The following TNS3 variants were observed in gnomAD, a reference collection of about 807,000 sequenced individuals.
TNS3 encodes the protein tensin-3.
A neutral mutation model predicts 140.9 loss-of-function variants in TNS3; 45 were observed. The ratio of observed to expected loss-of-function variants is 0.32; its 90% CI spans 0.25 to 0.41. The LOEUF is 0.41. Among genes scored for constraint, TNS3 ranks in the 10% least tolerant of loss-of-function variants. The pLI, the probability that TNS3 is intolerant of heterozygous loss-of-function variation, is 1.00. For synonymous variants in TNS3, 815 were observed against 788.4 expected (o/e 1.03, Z -0.56); for missense variants, 1,716 against 1,906.7 (o/e 0.90, Z 1.86).
intron 4 of TNS3, among the ~76,000 whole-genome samples, chr7:47,445,344 T>C (rs1795675998): frequency 6.6e-6 from 1 of 152,148 alleles, no homozygotes; most frequent in Admixed American, 6.5e-5. Context: ...CACCCCTATG[T>C]TACATGTTAC....
intron 24 of TNS3, among the ~76,000 whole-genome samples, chr7:47,295,608 C>G (rs1785964325): frequency 1.3e-5 from 2 of 152,228 alleles, no homozygotes; most frequent in Non-Finnish European, 2.9e-5. Flanking sequence ...CTCCCCTACA[C>G]AACGCCTTCT....
chr7:47,299,188 AG>A (rs1321128935), intron 23 of TNS3, among the ~76,000 whole-genome samples: 1 of 152,208 alleles, frequency 6.6e-6, no homozygotes, highest in African/African-American at 2.4e-5. Flanking sequence ...CCCAGACTGA[AG>A]TACAGTGACA....
Position 47,303,477 on chromosome 7 carries a change from C to A in TNS3, c.2930G>T (p.Gly977Val). Residue 977 changes from glycine to valine, a missense_variant, in exon 22 of 31, where the codon GGT becomes GTT. Transcript: ENST00000311160. ...CAGCACTGGGGAGTCCTTCCTGGTA[C>A]CGGAGAACTCAGCGCTGAGGGGACT... ...TGSPLSAEFS[G>V]TRKDSPVLSC... The A allele has an allele frequency of 6.2e-7, 1 of 1,611,578 alleles. No individual in the cohort carries two copies. The highest frequency in any genetic ancestry group is 8.5e-7 in the Non-Finnish European group (1 of 1,179,980).
At chr7:47,302,048 G>C (rs988731804) in intron 23 of TNS3, 138 bp downstream of exon 23, 1 of 671,542 alleles carries the variant, frequency 1.5e-6, no homozygotes, top group Non-Finnish European at 2.6e-6. Flanking sequence ...ATGGAATAAC[G>C]TGTGGGCCCT....
rs572660781 is a variant in TNS3, at chr7:47,407,561, A to G, written c.723+4166T>C. 7.2e-5 allele frequency among the ~76,000 whole-genome samples: 11 copies of G among 152,212 alleles called. No individual in the cohort carries two copies. Among genetic ancestry groups the G allele is most frequent in the South Asian group, 2.1e-4 (1 of 4,836 alleles). ...CGCTAGTAATCTTACTAAACTTTCT[A>G]GGAGAGGTTTATTTAATAAACAGAC... On this transcript the variant is annotated intron_variant, in intron 13 of 30. Coordinates refer to ENST00000311160, the MANE Select transcript of TNS3 (RefSeq NM_022748.12). This position sits in a 1 kb window ranked among gnomAD's most constrained non-coding sequence, Gnocchi z 4.1.
chr7:47,303,430 G>A lies in TNS3; in HGVS notation c.2977C>T (p.Leu993Phe), dbSNP rs1186637651. The stretch of plus-strand genomic sequence containing the variant: ...TCATGGCTGTGGAAAGGAGCCTGGA[G>A]CTCTGACGGCGGGAAGCAGGACAGC... ...PVLSCFPPSE[L>F]QAPFHSHELS... The change falls in exon 22 of 31, where the codon CTC (leucine) becomes TTC (phenylalanine). Residue 993 changes from leucine (L) to phenylalanine (F), a missense_variant. Physicochemically the swap from Leu to Phe is conservative, Grantham distance 22. Around this residue, in one of 3 missense-constraint regions of TNS3, gnomAD observed 1,163 missense variants for 1,182.1 expected, o/e 0.98. Coordinates refer to ENST00000311160, the MANE Select transcript of TNS3 (RefSeq NM_022748.12). 3 of 1,613,464 alleles carry A rather than the reference G, an allele frequency of 1.9e-6. No individual in the cohort carries two copies. The highest frequency in any genetic ancestry group is 2.2e-5 in the South Asian group (2 of 91,086).
rs150954075 is a variant in TNS3, at chr7:47,443,119, G to A, written c.-75-1064C>T. ...CTCTTCAGTTCTACACCAAGGTGCC[G>A]GTGAGCTCAGCCCTGGGTCCACCTC... is the stretch of plus-strand genomic sequence containing the variant. On this transcript the variant is annotated intron_variant, in intron 4 of 30. Coordinates refer to ENST00000311160, the MANE Select transcript of TNS3 (RefSeq NM_022748.12). 7.2e-5 allele frequency among the ~76,000 whole-genome samples: 11 copies of A among 152,206 alleles called. No individual in the cohort carries two copies. In the East Asian group the frequency reaches 1.7e-3, roughly 24 times the overall value.
intron 4 of TNS3, among the ~76,000 whole-genome samples, chr7:47,460,433 T>C (rs570384940): frequency 1.2e-4 from 18 of 152,270 alleles, no homozygotes; most frequent in African/African-American, 4.3e-4. Flanking sequence ...CGGTGGTGCT[T>C]TGTCTTGGCA....
intron 2 of TNS3, among the ~76,000 whole-genome samples, chr7:47,515,185 C>G (rs55959723): frequency 0.28 from 41,986 of 152,048 alleles, 5,892 homozygotes; most frequent in East Asian, 0.4. Context: ...TTCTACTTAA[C>G]CACATATGAA....
chr7:47,535,195 G>T (rs1799557866), intron 1 of TNS3, among the ~76,000 whole-genome samples: 1 of 152,200 alleles, frequency 6.6e-6, no homozygotes, highest in Non-Finnish European at 1.5e-5. Context: ...ATTAATATTT[G>T]TTGACCAAAT....
rs530398332 is a variant in TNS3, at chr7:47,398,361, C to CAAA, written c.920-1460_920-1458dup. Among the ~76,000 whole-genome samples, 904 of 150,932 alleles carry CAAA rather than the reference C, an allele frequency of 6.0e-3. 18 individuals are homozygous for CAAA. Among genetic ancestry groups the CAAA allele is most frequent in the African/African-American group, 0.021 (853 of 40,942 alleles). ...CAAAACTAGGAAAGAATATAACAAA[C>CAAA]AAACAAACAAAAAAGAAAATCACAG... On this transcript the variant is annotated intron_variant, in intron 15 of 30. Coordinates refer to ENST00000311160, the MANE Select transcript of TNS3 (RefSeq NM_022748.12).
chr7:47,479,060 G>A (rs1352320361), intron 4 of TNS3, among the ~76,000 whole-genome samples: 6 of 152,160 alleles, frequency 3.9e-5, no homozygotes, highest in African/African-American at 7.2e-5. Context: ...GTGTCCTGAC[G>A]CAGGGGGAGG....
At chr7:47,352,858 C>T (rs1022235544) in intron 17 of TNS3, among the ~76,000 whole-genome samples, 1 of 152,196 alleles carries the variant, frequency 6.6e-6, no homozygotes, top group Non-Finnish European at 1.5e-5. Flanking sequence ...CTCGAGTGTG[C>T]ACACAGAGCC....
At chr7:47,432,907 T>C (rs1794993687) in intron 8 of TNS3, among the ~76,000 whole-genome samples, 1 of 152,322 alleles carries the variant, frequency 6.6e-6, no homozygotes, top group East Asian at 1.9e-4. Context: ...CTTGGAATTG[T>C]TAACAAAAAT....
At chr7:47,332,342 C>T (rs994106815) in intron 20 of TNS3, among the ~76,000 whole-genome samples, 15 of 152,370 alleles carry the variant, frequency 9.8e-5, no homozygotes, top group South Asian at 4.1e-4. Context: ...CATCCTTGCA[C>T]ATTTTATATG....
intron 8 of TNS3, among the ~76,000 whole-genome samples, chr7:47,434,386 A>T (rs1795074867): frequency 6.6e-6 from 1 of 151,934 alleles, no homozygotes; most frequent in Non-Finnish European, 1.5e-5. Flanking sequence ...ATGCTTTGTC[A>T]AACACACAAA....
In TNS3 at chr7:47,368,845, A is replaced by G. The variant is rs752639461; in HGVS notation, c.1801T>C (p.Tyr601His). The G allele has an allele frequency of 6.2e-7, 1 of 1,613,542 alleles. No homozygotes were observed. Among genetic ancestry groups the G allele is most frequent in the Non-Finnish European group, 8.5e-7 (1 of 1,179,912 alleles). Residue 601 changes from tyrosine to histidine, a missense_variant, in exon 17 of 31, where the codon TAT becomes CAT. Physicochemically the swap from Tyr to His is moderately conservative, Grantham distance 83. Transcript: ENST00000311160. ...GCCTCCCCATCTGGGGCGAAGCTAT[A>G]CTGGTGAGCTACAACCATCTGCTGC... Reference protein sequence around the residue: ...RQQQMVVAHQYSFAPDGEARL... With the variant: ...RQQQMVVAHQHSFAPDGEARL...
intron 20 of TNS3, among the ~76,000 whole-genome samples, chr7:47,340,462 T>C (rs1223129784): frequency 3.9e-5 from 6 of 152,066 alleles, no homozygotes; most frequent in Admixed American, 1.3e-4. Flanking sequence ...GGTGCATTGC[T>C]AGCGTACTGA....
At chr7:47,361,265 C>G (rs1258363530) in intron 17 of TNS3, among the ~76,000 whole-genome samples, 2 of 147,414 alleles carry the variant, frequency 1.4e-5, no homozygotes, top group African/African-American at 2.5e-5. Context: ...CTCGCCTCTG[C>G]CCTCAGGGAA....
Sources: allele counts gnomAD v4.1 joint callset (sites outside exome capture counted in the v4.1 genomes callset), GRCh38; gene constraint gnomAD v4.1.1; regional missense constraint gnomAD v4.1.1; non-coding constraint Gnocchi (gnomAD v3.1); transcripts MANE v1.5; gene names NCBI Gene and HGNC (gene_info 2026-07-23, HGNC 2026-07-21).